The following PRELID2 variants were observed in gnomAD, a reference collection of about 807,000 sequenced individuals.
PRELID2 encodes the protein PRELI domain containing 2.
In PRELID2, 25 loss-of-function variants were observed where a neutral mutation model predicts 28.4. That is an observed-to-expected ratio of 0.88 (90% CI 0.64 to 1.23). PRELID2 has a LOEUF of 1.23. Ranked by LOEUF, PRELID2 falls within the 50% of genes most tolerant of loss-of-function variation. PRELID2 has a pLI of 0.00. For missense variants in PRELID2, 201 were observed against 214.4 expected (o/e 0.94, Z 0.39); for synonymous variants, 76 against 71.6 (o/e 1.06, Z -0.31).
chr5:145,832,179 G>A (rs1755635805), intron 1 of PRELID2, among the ~76,000 whole-genome samples: 2 of 152,038 alleles, frequency 1.3e-5, no homozygotes, highest in Admixed American at 6.6e-5. Context: ...AAGTTTTTTG[G>A]GTTTTTTTGT....
chr5:145,282,336 A>C, the PRELID2 span, among the ~76,000 whole-genome samples: 4 of 152,280 alleles, frequency 2.6e-5, no homozygotes, highest in East Asian at 7.7e-4. Flanking sequence ...TAGTAGAATG[A>C]ATATGTAGCT....
intron 1 of PRELID2, among the ~76,000 whole-genome samples, chr5:145,649,155 A>C (rs1718191836): frequency 6.6e-6 from 1 of 152,212 alleles, no homozygotes; most frequent in Non-Finnish European, 1.5e-5. Flanking sequence ...TATAACAACT[A>C]TTCCTGTAGT....
At chr5:145,242,498 G>T in the PRELID2 span, among the ~76,000 whole-genome samples, 4,113 of 152,034 alleles carry the variant, frequency 0.027, 172 homozygotes, top group African/African-American at 0.094. Context: ...GTCTGTCCAA[G>T]GTTATCCGGA....
the PRELID2 span, among the ~76,000 whole-genome samples, chr5:145,428,290 A>G: frequency 6.6e-6 from 1 of 152,136 alleles, no homozygotes; most frequent in East Asian, 1.9e-4. Flanking sequence ...TATTGGTGCC[A>G]CAGGCTATTT....
rs1026236805 is a variant in PRELID2 at position 145,578,194 on chromosome 5, C to T, written n.71-104879G>A. 3.3e-5 allele frequency among the ~76,000 whole-genome samples: 5 copies of T among 152,158 alleles called. No individual in the cohort carries two copies. The South Asian group carries it at 6.2e-4, about 19-fold the overall frequency. On this transcript the variant is annotated intron_variant and non_coding_transcript_variant, in intron 1 of 2. Coordinates refer to the PRELID2 transcript ENST00000510259. ...AAGATATCTCCCATCTTGCCACATG[C>T]TGAAAGCAAGCATTTCTAGCCCATC...
intron 1 of PRELID2, among the ~76,000 whole-genome samples, chr5:145,720,988 A>T (rs1755973658): frequency 6.6e-6 from 1 of 152,088 alleles, no homozygotes; most frequent in African/African-American, 2.4e-5. Context: ...ATTAAATTTG[A>T]AAGGTTTTAA....
At chr5:145,274,230 C>T in the PRELID2 span, among the ~76,000 whole-genome samples, 320 of 152,174 alleles carry the variant, frequency 2.1e-3, no homozygotes, top group Non-Finnish European at 3.7e-3. Flanking sequence ...GCTATAGTTA[C>T]GACAATAGAA....
chr5:145,284,883 T>G, the PRELID2 span, among the ~76,000 whole-genome samples: 2 of 152,114 alleles, frequency 1.3e-5, no homozygotes, highest in South Asian at 4.1e-4. Flanking sequence ...AAGAATTTAA[T>G]TCAGGAGGGA....
downstream of PRELID2, among the ~76,000 whole-genome samples, chr5:145,467,487 T>C (rs1382618714): frequency 6.6e-6 from 1 of 152,174 alleles, no homozygotes; most frequent in Non-Finnish European, 1.5e-5. Context: ...GTATATTTCA[T>C]ATTTTTAAAA....
the PRELID2 span, among the ~76,000 whole-genome samples, chr5:145,243,152 A>C: frequency 6.6e-6 from 1 of 152,088 alleles, no homozygotes; most frequent in Non-Finnish European, 1.5e-5. Flanking sequence ...AAGAACTAAA[A>C]GACATTTCAA....
chr5:145,460,023 C>T, the PRELID2 span, among the ~76,000 whole-genome samples: 1 of 152,070 alleles, frequency 6.6e-6, no homozygotes, highest in Non-Finnish European at 1.5e-5. Flanking sequence ...ATTGGCCAGA[C>T]TGGTCTTGAA....
chr5:145,308,842 A>G, the PRELID2 span, among the ~76,000 whole-genome samples: 42 of 152,180 alleles, frequency 2.8e-4, no homozygotes, highest in African/African-American at 8.7e-4. Flanking sequence ...TCTCAAAGCC[A>G]TGTTAACTGC....
intron 1 of PRELID2, among the ~76,000 whole-genome samples, chr5:145,606,229 A>C (rs910890210): frequency 6.6e-6 from 1 of 152,062 alleles, no homozygotes; most frequent in African/African-American, 2.4e-5. Flanking sequence ...ATAGTTTGAC[A>C]TCCTCTCTTC....
chr5:145,716,840 CT>C lies in PRELID2; in HGVS notation n.70+48090del, dbSNP rs538289392. Reference sequence around the variant, plus strand: ...TTGTCTTGTTTTATCTGCACAATAACTTTTTAGAGTGTGTCCTATTATTATT... The same window carrying C: ...TTGTCTTGTTTTATCTGCACAATAACTTTTAGAGTGTGTCCTATTATTATT... On this transcript the variant is annotated intron_variant and non_coding_transcript_variant, in intron 1 of 2. Coordinates refer to the PRELID2 transcript ENST00000510259. 7.2e-5 allele frequency among the ~76,000 whole-genome samples: 11 copies of C among 152,234 alleles called. No homozygotes were observed. In the South Asian group the frequency reaches 2.3e-3, roughly 32 times the overall value.
chr5:145,829,051 T>C (rs1000875397), intron 1 of PRELID2, among the ~76,000 whole-genome samples: 9 of 150,934 alleles, frequency 6.0e-5, no homozygotes, highest in Non-Finnish European at 1.2e-4. Context: ...TGGGGTTTTG[T>C]TGTTGTTGGT....
At chr5:145,640,344 C>T (rs530656625) in intron 1 of PRELID2, among the ~76,000 whole-genome samples, 51 of 152,036 alleles carry the variant, frequency 3.4e-4, no homozygotes, top group Non-Finnish European at 5.9e-4. Flanking sequence ...GGCGTGGTGG[C>T]GGGCGCCTGT....
intron 5 of PRELID2, among the ~76,000 whole-genome samples, chr5:145,784,233 T>TAAAA (rs11299722): frequency 1.5e-5 from 2 of 136,252 alleles, no homozygotes; most frequent in Admixed American, 1.5e-4. Context: ...GTGGTGAGCT[T>TAAAA]AAAAAAAAAA....
At chr5:145,646,394 T>C (rs770944294) in intron 1 of PRELID2, among the ~76,000 whole-genome samples, 16 of 152,204 alleles carry the variant, frequency 1.1e-4, no homozygotes, top group Non-Finnish European at 1.6e-4. Flanking sequence ...AGGTCATTTA[T>C]GTTCTTCCCT....
the PRELID2 span, among the ~76,000 whole-genome samples, chr5:145,349,763 G>A: frequency 4.6e-5 from 7 of 152,060 alleles, no homozygotes; most frequent in East Asian, 3.8e-4. Flanking sequence ...GTAAACACAC[G>A]AAGAAATAAT....
Sources: gnomAD v4.1 joint callset for allele counts (sites outside exome capture counted in the v4.1 genomes callset) on GRCh38, gnomAD v4.1.1 for gene constraint, MANE v1.5 for transcripts, NCBI Gene and HGNC (gene_info 2026-07-23, HGNC 2026-07-21) for gene names.